The following ABHD2 variants were observed in gnomAD, a reference collection of about 807,000 sequenced individuals.
The protein encoded by ABHD2 is abhydrolase domain containing 2, acylglycerol lipase.
Under a neutral mutation model 48.1 loss-of-function variants are expected in ABHD2, and 20 were observed. That is an observed-to-expected ratio of 0.42 (90% CI 0.29 to 0.60). The LOEUF is 0.60. ABHD2 is among the 20% of genes least tolerant of loss of function. ABHD2 has a pLI of 0.24. For synonymous variants in ABHD2, 209 were observed against 214.2 expected, an observed-to-expected ratio of 0.98 and a Z score of 0.21; for missense variants, 405 against 550.9, an observed-to-expected ratio of 0.74 and a Z score of 2.65.
rs527895585 is a variant in ABHD2, at chr15:89,201,566, C to T, written c.*6143C>T. 1 of 1,597,966 alleles carries T rather than the reference C, an allele frequency of 6.3e-7. No homozygotes were observed. Among genetic ancestry groups the T allele is most frequent in the Admixed American group, 1.7e-5 (1 of 60,002 alleles). On this transcript the variant is annotated 3_prime_UTR_variant, in exon 11 of 11. Coordinates refer to ENST00000352732, the MANE Select transcript of ABHD2 (RefSeq NM_152924.5). The stretch of plus-strand genomic sequence containing the variant: ...TCGGATCATAGTCAAAGGGCTGTAG[C>T]ATTACTGAAACAGTCACAGTTGACC...
the ABHD2 span, among the ~76,000 whole-genome samples, chr15:89,077,063 G>A: frequency 6.6e-6 from 1 of 152,122 alleles, no homozygotes; most frequent in Non-Finnish European, 1.5e-5. Flanking sequence ...GCAGCTTGAT[G>A]AATTTTCATA....
chr15:89,074,236 C>T, the ABHD2 span, among the ~76,000 whole-genome samples: 1 of 152,114 alleles, frequency 6.6e-6, no homozygotes, highest in Admixed American at 6.6e-5. Flanking sequence ...ATTATCAGGG[C>T]GTGATGGCGT....
chr15:89,161,431 C>T (rs901915296), intron 5 of ABHD2, among the ~76,000 whole-genome samples: 1 of 152,078 alleles, frequency 6.6e-6, no homozygotes, highest in Non-Finnish European at 1.5e-5. Context: ...GACACTGTCT[C>T]ACTCTGTTGC....
At chr15:89,068,559 G>C in the ABHD2 span, among the ~76,000 whole-genome samples, 1 of 152,022 alleles carries the variant, frequency 6.6e-6, no homozygotes, top group Non-Finnish European at 1.5e-5. Flanking sequence ...TCTCCACACG[G>C]GCTAGCTGGG....
Position 89,102,171 on chromosome 15 carries a change from G to A in ABHD2, c.-106-11554G>A, listed in dbSNP as rs1166001784. On this transcript the variant is annotated intron_variant, in intron 1 of 10. Coordinates refer to ENST00000352732, the MANE Select transcript of ABHD2 (RefSeq NM_152924.5). The surrounding 1 kb of genome is among the most constrained non-coding windows in gnomAD (Gnocchi z 4.8). ...GGCTCAACTGTGAGCCCAGCCTGAC[G>A]TCTGCATCCACCCCTCCTTCTCACC... Among the ~76,000 whole-genome samples the A allele has an allele frequency of 4.6e-5, 7 of 152,140 alleles. No homozygotes were observed. The highest frequency in any genetic ancestry group is 2.1e-4 in the South Asian group (1 of 4,822).
intron 1 of ABHD2, among the ~76,000 whole-genome samples, chr15:89,111,998 T>C (rs1292036058): frequency 1.3e-5 from 2 of 152,156 alleles, no homozygotes; most frequent in Non-Finnish European, 2.9e-5. Context: ...ACAGACCTTT[T>C]CAGGGCTAGA....
the ABHD2 span, among the ~76,000 whole-genome samples, chr15:89,076,958 C>T: frequency 0.36 from 54,497 of 152,040 alleles, 11,184 homozygotes; most frequent in Non-Finnish European, 0.47. Context: ...GGGGTAGGTC[C>T]TCAAATCAGA....
chr15:89,062,967 C>CT, the ABHD2 span, among the ~76,000 whole-genome samples: 2,901 of 129,336 alleles, frequency 0.022, 145 homozygotes, highest in African/African-American at 0.07. Context: ...ATTGCTGCTG[C>CT]TTTTTTTTTT....
chr15:89,086,309 G>A (rs1901342833), upstream of ABHD2, among the ~76,000 whole-genome samples: 1 of 152,224 alleles, frequency 6.6e-6, no homozygotes, highest in South Asian at 2.1e-4. Flanking sequence ...TTACAGGCTT[G>A]AGCCACTGTG....
intron 3 of ABHD2, among the ~76,000 whole-genome samples, chr15:89,126,257 C>T (rs982827460): frequency 6.6e-6 from 1 of 152,202 alleles, no homozygotes; most frequent in Admixed American, 6.5e-5. Context: ...TGAGTCACCC[C>T]TCTGTGTCAC....
intron 3 of ABHD2, among the ~76,000 whole-genome samples, chr15:89,133,385 G>A (rs1177378077): frequency 2.0e-5 from 3 of 152,198 alleles, no homozygotes; most frequent in East Asian, 1.9e-4. Flanking sequence ...GCACCTGTCA[G>A]TATAGGATAA....
chr15:89,074,047 A>G, the ABHD2 span, among the ~76,000 whole-genome samples: 4 of 152,196 alleles, frequency 2.6e-5, no homozygotes, highest in Non-Finnish European at 5.9e-5. Context: ...CACCTCTGAC[A>G]GATTTCTTAC....
intron 3 of ABHD2, among the ~76,000 whole-genome samples, chr15:89,118,722 G>T (rs1219657679): frequency 1.3e-5 from 2 of 152,124 alleles, no homozygotes; most frequent in African/African-American, 4.8e-5. Flanking sequence ...TATTGCCCAG[G>T]CTCCAGAAAA....
At chr15:89,121,927 C>G (rs1416441045) in intron 3 of ABHD2, among the ~76,000 whole-genome samples, 2 of 152,196 alleles carry the variant, frequency 1.3e-5, no homozygotes, top group East Asian at 1.9e-4. Context: ...CTCCTGAGCT[C>G]AAGCTATCCT....
At position 89,151,798 on chromosome 15, in the gene ABHD2, G is replaced by A; in HGVS notation, c.316G>A (p.Gly106Arg). ...GHRKFITMSD[G>R]ATSTFDLFEP... ...CCGGAAGTTCATCACTATGTCTGAT[G>A]GAGCCACTTCTACATTCGACCTCTT... The change falls in exon 4 of 11, where the codon GGA (glycine) becomes AGA (arginine). Residue 106 changes from glycine to arginine, a missense_variant. By Grantham distance (125) the Gly-to-Arg change is moderately radical (BLOSUM62 -2). Coordinates refer to ENST00000352732, the MANE Select transcript of ABHD2 (RefSeq NM_152924.5). This position sits in a 1 kb window ranked among gnomAD's most constrained non-coding sequence, Gnocchi z 4.7. 1 of 1,614,236 alleles carries A rather than the reference G, an allele frequency of 6.2e-7. No individual in the cohort carries two copies. Among genetic ancestry groups the A allele is most frequent in the Non-Finnish European group, 8.5e-7 (1 of 1,180,048 alleles).
chr15:89,102,838 G>A lies in ABHD2; in HGVS notation c.-106-10887G>A, dbSNP rs1304240258. Among the ~76,000 whole-genome samples the A allele has an allele frequency of 6.6e-6, 1 of 152,232 alleles. No individual in the cohort carries two copies. The highest frequency in any genetic ancestry group is 1.5e-5 in the Non-Finnish European group (1 of 68,044). ...CAAATGCCTGCCTGATACAGGCAAC[G>A]TTTGCACAAAAACCCAAAGGAAGAA... is the stretch of plus-strand genomic sequence containing the variant. On this transcript the variant is annotated intron_variant, in intron 1 of 10. Coordinates refer to ENST00000352732, the MANE Select transcript of ABHD2 (RefSeq NM_152924.5). This position sits in a 1 kb window ranked among gnomAD's most constrained non-coding sequence, Gnocchi z 4.8.
At chr15:89,056,507 G>T in the ABHD2 span, among the ~76,000 whole-genome samples, 1 of 152,098 alleles carries the variant, frequency 6.6e-6, no homozygotes, top group African/African-American at 2.4e-5. Flanking sequence ...GCCAGGCATG[G>T]TGGCAGGTGC....
At chr15:89,148,308 T>C (rs79349522) in intron 3 of ABHD2, among the ~76,000 whole-genome samples, 9,072 of 152,114 alleles carry the variant, frequency 0.06, 943 homozygotes, top group African/African-American at 0.21. Context: ...AAATGACTAG[T>C]AAACATGAAT....
intron 3 of ABHD2, among the ~76,000 whole-genome samples, chr15:89,145,447 G>A (rs1244550792): frequency 6.6e-6 from 1 of 152,204 alleles, no homozygotes; most frequent in Non-Finnish European, 1.5e-5. Context: ...TATGTGAAAT[G>A]CCAAGAGTTG....
Sources: gnomAD v4.1 joint callset for allele counts (sites outside exome capture counted in the v4.1 genomes callset) on GRCh38, gnomAD v4.1.1 for gene constraint, Gnocchi (gnomAD v3.1) non-coding constraint, MANE v1.5 for transcripts, NCBI Gene and HGNC (gene_info 2026-07-23, HGNC 2026-07-21) for gene names.